The following FBXL7 variants were observed in gnomAD, a reference collection of about 807,000 sequenced individuals.
The protein encoded by FBXL7 is F-box/LRR-repeat protein 7.
A neutral mutation model predicts 38.3 loss-of-function variants in FBXL7; 12 were observed. The observed-to-expected ratio is 0.31, with a 90% CI of 0.20 to 0.51. FBXL7 has a LOEUF of 0.51. Among genes scored for constraint, FBXL7 ranks in the 20% least tolerant of loss-of-function variants. The pLI is 0.98. For missense variants in FBXL7, 567 were observed against 676.4 expected (o/e 0.84, Z 1.79); for synonymous variants, 297 against 300.9 (o/e 0.99, Z 0.13).
At chr5:15,525,072 A>C (rs554466921) in intron 1 of FBXL7, among the ~76,000 whole-genome samples, 2 of 152,356 alleles carry the variant, frequency 1.3e-5, no homozygotes, top group African/African-American at 4.8e-5. Context: ...ACCTTGAGCC[A>C]GGGCAGTAAC....
At chr5:15,708,807 TAAGTA>T (rs1245547125) in intron 2 of FBXL7, among the ~76,000 whole-genome samples, 3 of 152,224 alleles carry the variant, frequency 2.0e-5, no homozygotes, top group Non-Finnish European at 4.4e-5. Flanking sequence ...AAGAGCATGT[TAAGTA>T]AAGTTTGTGG....
Position 15,841,177 on chromosome 5 carries a change from G to A in FBXL7, c.128-86713G>A, listed in dbSNP as rs555793128. Among the ~76,000 whole-genome samples the A allele has an allele frequency of 3.7e-3, 554 of 151,382 alleles. 4 individuals carry two copies. The highest frequency in any genetic ancestry group is 5.8e-3 in the Non-Finnish European group (396 of 67,816). On this transcript the variant is annotated intron_variant, in intron 2 of 3. Transcript: ENST00000504595. ...ATTAACTTCTTTTTTTCTTGTTTTT[G>A]TTTGTTTTGCTGGTTGGTTTTTTTG...
At chr5:15,826,608 G>A (rs1407049597) in intron 2 of FBXL7, among the ~76,000 whole-genome samples, 6 of 151,954 alleles carry the variant, frequency 3.9e-5, no homozygotes, top group South Asian at 4.2e-4. Flanking sequence ...CAGTAAAGAC[G>A]GGGTTTCACC....
intron 2 of FBXL7, among the ~76,000 whole-genome samples, chr5:15,778,551 T>G (rs1736916952): frequency 6.6e-6 from 1 of 152,162 alleles, no homozygotes; most frequent in African/African-American, 2.4e-5. Flanking sequence ...AGAAATCCAG[T>G]TATTCACCTG....
chr5:15,507,910 A>C lies in FBXL7; in HGVS notation c.37+7197A>C, dbSNP rs186903085. The stretch of plus-strand genomic sequence containing the variant: ...ATACAAAAATTAGCCGGGTGTGGTG[A>C]TGGGTGCCTGTAATCCCAGCTACTC... On this transcript the variant is annotated intron_variant, in intron 1 of 3. Coordinates refer to ENST00000504595, the MANE Select transcript of FBXL7 (RefSeq NM_012304.5). Among the ~76,000 whole-genome samples the C allele has an allele frequency of 3.4e-3, 512 of 151,998 alleles. 2 individuals are homozygous for C. Among genetic ancestry groups the C allele is most frequent in the African/African-American group, 0.012 (494 of 41,452 alleles).
chr5:15,806,723 G>C (rs1737721306), intron 2 of FBXL7, among the ~76,000 whole-genome samples: 1 of 152,132 alleles, frequency 6.6e-6, no homozygotes, highest in South Asian at 2.1e-4. Flanking sequence ...GGCCCAATCA[G>C]GGACTGATGA....
rs9312890 is a variant in FBXL7 at position 15,544,724 on chromosome 5, G to A, written c.37+44011G>A. Among the ~76,000 whole-genome samples the A allele has an allele frequency of 9.3e-3, 1,415 of 152,278 alleles. 20 individuals carry two copies. Among genetic ancestry groups the A allele is most frequent in the African/African-American group, 0.028 (1,173 of 41,556 alleles). On this transcript the variant is annotated intron_variant, in intron 1 of 3. Coordinates refer to ENST00000504595, the MANE Select transcript of FBXL7 (RefSeq NM_012304.5). ...GTGAGTAGGGAGATTAAACAGCCCA[G>A]TGGGAGGCATTTCTAGCCTGGGAAC...
At chr5:15,803,621 A>C (rs1164136067) in intron 2 of FBXL7, among the ~76,000 whole-genome samples, 2 of 144,526 alleles carry the variant, frequency 1.4e-5, no homozygotes, top group African/African-American at 5.2e-5. Context: ...CTAATGTTTT[A>C]TAATGTGTCA....
intron 2 of FBXL7, among the ~76,000 whole-genome samples, chr5:15,625,753 A>G (rs2126533920): frequency 6.6e-6 from 1 of 152,370 alleles, no homozygotes; most frequent in East Asian, 1.9e-4. Flanking sequence ...AATATATGAA[A>G]GTGGAAGATA....
At chr5:15,743,754 C>T (rs916765484) in intron 2 of FBXL7, among the ~76,000 whole-genome samples, 1 of 152,256 alleles carries the variant, frequency 6.6e-6, no homozygotes, top group Non-Finnish European at 1.5e-5. Flanking sequence ...GAGGGACCCA[C>T]CTCTGCAGCA....
At chr5:15,875,993 G>C (rs1227000189) in intron 2 of FBXL7, among the ~76,000 whole-genome samples, 1 of 152,114 alleles carries the variant, frequency 6.6e-6, no homozygotes, top group South Asian at 2.1e-4. Flanking sequence ...CAAAGACTTG[G>C]AACCAACCCA....
At chr5:15,811,494 C>A (rs1561135593) in intron 2 of FBXL7, among the ~76,000 whole-genome samples, 1 of 152,028 alleles carries the variant, frequency 6.6e-6, no homozygotes, top group Non-Finnish European at 1.5e-5. Flanking sequence ...CATCCTAACA[C>A]CTCACTTTAA....
At chr5:15,649,220 C>T (rs1741632636) in intron 2 of FBXL7, among the ~76,000 whole-genome samples, 1 of 152,176 alleles carries the variant, frequency 6.6e-6, no homozygotes, top group South Asian at 2.1e-4. Flanking sequence ...TGGTCTCGAA[C>T]TCCTGACCTC....
chr5:15,620,033 T>TTAACTGTAAATGGACAGGAAGA (rs1434587767), intron 2 of FBXL7, among the ~76,000 whole-genome samples: 1 of 152,110 alleles, frequency 6.6e-6, no homozygotes, highest in Non-Finnish European at 1.5e-5. Context: ...GGAATGGGAA[T>TTAACTGTAAATGGACAGGAAGA]TAACTGTAAA....
intron 1 of FBXL7, among the ~76,000 whole-genome samples, chr5:15,596,423 A>G (rs1386579708): frequency 1.3e-5 from 2 of 152,172 alleles, no homozygotes; most frequent in Non-Finnish European, 2.9e-5. Flanking sequence ...GAATTTAGGT[A>G]GGCCAAGGCA....
At chr5:15,762,510 G>T (rs1374493335) in intron 2 of FBXL7, among the ~76,000 whole-genome samples, 1 of 152,146 alleles carries the variant, frequency 6.6e-6, no homozygotes, top group African/African-American at 2.4e-5. Context: ...TAGATTTAAA[G>T]TTCTGTATTC....
intron 2 of FBXL7, among the ~76,000 whole-genome samples, chr5:15,782,499 C>T (rs1737023678): frequency 6.6e-6 from 1 of 152,182 alleles, no homozygotes. Flanking sequence ...CGTTTCCTGA[C>T]TTTTTAACAA....
At chr5:15,691,047 A>G (rs901310826) in intron 2 of FBXL7, among the ~76,000 whole-genome samples, 3 of 152,226 alleles carry the variant, frequency 2.0e-5, no homozygotes, top group African/African-American at 7.2e-5. Flanking sequence ...TGTTTCCTGT[A>G]TGTGACATGG....
In FBXL7 at chr5:15,936,875, A is replaced by C; in HGVS notation, c.1165A>C (p.Ile389Leu). The change falls in exon 4 of 4, where the codon ATC (isoleucine) becomes CTC (leucine). Residue 389 changes from isoleucine to leucine, a missense_variant. Transcript: ENST00000504595. The surrounding 1 kb of genome is among the most constrained non-coding windows in gnomAD (Gnocchi z 6.0). ...RYLNARGCEG[I>L]TDHGVEYLAK... is the part of the protein sequence containing the mutation. ...CCTCAACGCGAGGGGCTGCGAGGGC[A>C]TCACGGACCACGGTGTGGAGTACCT... 6.2e-7 allele frequency: 1 copy of C among 1,614,024 alleles called. No homozygotes were observed. Among genetic ancestry groups the C allele is most frequent in the East Asian group, 2.2e-5 (1 of 44,878 alleles).
Sources: gnomAD v4.1 joint callset for allele counts (sites outside exome capture counted in the v4.1 genomes callset) on GRCh38, gnomAD v4.1.1 for gene constraint, Gnocchi (gnomAD v3.1) non-coding constraint, MANE v1.5 for transcripts, NCBI Gene and HGNC (gene_info 2026-07-23, HGNC 2026-07-21) for gene names.